The following PAOX variants were observed in gnomAD, a reference collection of about 807,000 sequenced individuals.
PAOX encodes the protein polyamine oxidase.
A neutral mutation model predicts 39.0 loss-of-function variants in PAOX; 38 were observed. That is an observed-to-expected ratio of 0.97 (90% CI 0.75 to 1.28). PAOX has a LOEUF of 1.28. Among genes scored for constraint, PAOX ranks in the 50% most tolerant of loss-of-function variants. PAOX has a pLI of 0.00. For synonymous variants in PAOX, 311 were observed against 314.4 expected (o/e 0.99, Z 0.11); for missense variants, 667 against 685.7 (o/e 0.97, Z 0.30).
Position 133,384,117 on chromosome 10 carries a change from G to A in PAOX, c.1026G>A (p.Val342=), listed in dbSNP as rs141901217. The change falls in exon 4 of 7, where the codon GTG becomes GTA. Residue 342 remains valine (V), a synonymous_variant. Transcript: ENST00000278060. This position sits in a 1 kb window ranked among gnomAD's most constrained non-coding sequence, Gnocchi z 4.3. ...CAGACTGCCAGCTGATCCAGCTGGT[G>A]TGGGAGGACACGTCGCCCCTGGAGG... is the stretch of plus-strand genomic sequence containing the variant. ...WEPDCQLIQL[V]WEDTSPLEDA... is the part of the protein sequence containing the mutation. The A allele has an allele frequency of 1.4e-4, 229 of 1,614,228 alleles. No individual in the cohort carries two copies. The African/African-American group carries it at 2.5e-3, about 17-fold the overall frequency.
At chr10:133,383,924 T>C in intron 3 of PAOX, 36 bp from the exon 4 acceptor site, 1 of 1,591,458 alleles carries the variant, frequency 6.3e-7, no homozygotes, top group Admixed American at 1.7e-5. Context: ...TGGAGGGCTT[T>C]ATGTGATGTA....
chr10:133,391,400 A>G lies in PAOX; in HGVS notation c.1481A>G (p.Asp494Gly), dbSNP rs1412546624. ...CTGCTGTCGGGATGGAGGGAGGCCG[A>G]CCGCCTCCTCAGTCTGTGGGCCCCG... ...GALLSGWREADRLLSLWAPQV... is the reference protein window; with the variant it reads ...GALLSGWREAGRLLSLWAPQV... Residue 494 changes from aspartate to glycine, a missense_variant, in exon 7 of 7, where the codon GAC (aspartate) becomes GGC (glycine). Physicochemically the swap from Asp to Gly is moderately conservative, Grantham distance 94. Transcript: ENST00000278060. 1 of 1,612,880 alleles carries G rather than the reference A, an allele frequency of 6.2e-7. No individual in the cohort carries two copies. The highest frequency in any genetic ancestry group is 1.7e-5 in the Admixed American group (1 of 60,006).
Position 133,380,129 on chromosome 10 carries a change from C to A in PAOX, c.312C>A (p.Thr104=). 6.3e-7 allele frequency: 1 copy of A among 1,584,668 alleles called. No homozygotes were observed. The change falls in exon 2 of 7, where the codon ACC becomes ACA. Residue 104 remains threonine, a synonymous_variant. Transcript: ENST00000278060. ...ELSQENQLVE[T]GGHVGLPSVS... Reference sequence around the variant, plus strand: ...CCCAGGAGAACCAGCTGGTGGAGACCGGGGGTCACGTGGGCCTGCCCTCCG... The same window carrying A: ...CCCAGGAGAACCAGCTGGTGGAGACAGGGGGTCACGTGGGCCTGCCCTCCG...
At chr10:133,389,461 T>A in intron 5 of PAOX, 129 bp from the exon 6 acceptor site, 2 of 1,359,424 alleles carry the variant, frequency 1.5e-6, no homozygotes, top group East Asian at 4.7e-5. Context: ...CCTGACACAC[T>A]CTGCTGCTCA....
Position 133,380,427 on chromosome 10 carries a change from G to A in PAOX, c.610G>A (p.Ala204Thr). 6.2e-7 allele frequency: 1 copy of A among 1,612,526 alleles called. No homozygotes were observed. The highest frequency in any genetic ancestry group is 8.5e-7 in the Non-Finnish European group (1 of 1,180,014). Residue 204 changes from alanine (A) to threonine (T), a missense_variant, in exon 2 of 7, where the codon GCC (alanine) becomes ACC (threonine). Transcript: ENST00000278060. ...VSGTHSMDLV[A>T]LAPFGEYTVL... The stretch of plus-strand genomic sequence containing the variant: ...CGGCACCCACAGCATGGACCTGGTG[G>A]CCCTGGCACCCTTTGGGGAGTATAC...
chr10:133,382,379 G>A (rs1421659282), intron 3 of PAOX, among the ~76,000 whole-genome samples: 1 of 152,172 alleles, frequency 6.6e-6, no homozygotes, highest in African/African-American at 2.4e-5. Context: ...AGGAGCCTCC[G>A]CAGCCCTAAC....
chr10:133,379,661 A>C, intron 1 of PAOX, 164 bp downstream of exon 1: 1 of 633,858 alleles, frequency 1.6e-6, no homozygotes, highest in Non-Finnish European at 2.3e-6. Context: ...CCCGAAACTC[A>C]GGGCTCAGAG....
At chr10:133,383,202 G>A (rs1353161411) in intron 3 of PAOX, among the ~76,000 whole-genome samples, 2 of 152,148 alleles carry the variant, frequency 1.3e-5, no homozygotes, top group Non-Finnish European at 2.9e-5. Context: ...AAAGGAGCGG[G>A]TTAATTTGCC....
chr10:133,382,338 A>G (rs542837288), intron 3 of PAOX, among the ~76,000 whole-genome samples: 2 of 152,306 alleles, frequency 1.3e-5, no homozygotes, highest in African/African-American at 4.8e-5. Flanking sequence ...TTGGAAATCT[A>G]GGTGTGATTG....
rs372787159 is a variant in PAOX, at chr10:133,381,707, C to T, written c.868+48C>T. 2.5e-6 allele frequency: 4 copies of T among 1,591,838 alleles called. No individual in the cohort carries two copies. In the African/African-American group the frequency reaches 4.0e-5, roughly 16 times the overall value. ...ACCCCCATCCCAAGTGCCCCCGCCT[C>T]TGCCCTTACCCTGCCTCAGTTGGCT... On this transcript the variant is annotated intron_variant, in intron 3 of 6. Coordinates refer to ENST00000278060, the MANE Select transcript of PAOX (RefSeq NM_152911.4).
At chr10:133,382,871 A>G (rs1297764544) in intron 3 of PAOX, 1 of 151,962 alleles carries the variant, frequency 6.6e-6, no homozygotes, top group African/African-American at 2.4e-5. Flanking sequence ...GTGTTTCCAA[A>G]TCAGCACACA....
intron 4 of PAOX, among the ~76,000 whole-genome samples, chr10:133,387,268 G>A (rs1405701066): frequency 3.9e-5 from 6 of 152,082 alleles, no homozygotes; most frequent in African/African-American, 1.4e-4. Context: ...AACAGAGGGA[G>A]GCCATGTCTT....
Position 133,389,698 on chromosome 10 carries a change from A to G in PAOX, c.1343A>G (p.Asp448Gly). The stretch of plus-strand genomic sequence containing the variant: ...GTGGCCGTGGGCAGTACTGGGGGCG[A>G]CCTGGACCTGCTGGCTCAGCCCCTC... Reference protein sequence around the residue: ...SYVAVGSTGGDLDLLAQPLPA... With the variant: ...SYVAVGSTGGGLDLLAQPLPA... The change falls in exon 6 of 7, where the codon GAC (aspartate) becomes GGC (glycine). Residue 448 changes from aspartate (D) to glycine (G), a missense_variant. Transcript: ENST00000278060. 1 of 1,595,602 alleles carries G rather than the reference A, an allele frequency of 6.3e-7. No homozygotes were observed. The highest frequency in any genetic ancestry group is 8.6e-7 in the Non-Finnish European group (1 of 1,168,460).
At chr10:133,381,355 C>A in intron 2 of PAOX, 105 bp from the exon 3 acceptor site, 3 of 1,104,664 alleles carry the variant, frequency 2.7e-6, no homozygotes, top group Non-Finnish European at 1.3e-6. Flanking sequence ...GGAGAGCTCC[C>A]CGCAGCTACC....
At chr10:133,389,214 G>T in intron 5 of PAOX, 146 bp downstream of exon 5, 1 of 697,128 alleles carries the variant, frequency 1.4e-6, no homozygotes, top group East Asian at 2.6e-5. Flanking sequence ...ATGTTAGTGG[G>T]GTCAGTAACA....
At chr10:133,379,772 C>A in intron 1 of PAOX, 1 of 563,296 alleles carries the variant, frequency 1.8e-6, no homozygotes, top group Non-Finnish European at 2.8e-6. Flanking sequence ...GTACGCCCAC[C>A]CTGCGCCCCT....
intron 4 of PAOX, among the ~76,000 whole-genome samples, chr10:133,387,822 G>T (rs1451743404): frequency 6.6e-6 from 1 of 152,216 alleles, no homozygotes; most frequent in Non-Finnish European, 1.5e-5. Context: ...CCGGGTTCAT[G>T]CCATTCTCCT....
intron 2 of PAOX, 132 bp from the exon 3 acceptor site, chr10:133,381,328 T>A: frequency 1.2e-6 from 1 of 803,702 alleles, no homozygotes; most frequent in South Asian, 1.7e-5. Flanking sequence ...CTGACCTCCT[T>A]GCTGGCCCTG....
intron 6 of PAOX, 135 bp downstream of exon 6, chr10:133,389,882 T>G (rs1174123064): frequency 2.5e-5 from 25 of 1,015,270 alleles, no homozygotes; most frequent in Non-Finnish European, 3.1e-5. Flanking sequence ...TTTTTGAAAC[T>G]AAGAATAATT....
Sources: gnomAD v4.1 joint callset for allele counts (sites outside exome capture counted in the v4.1 genomes callset) on GRCh38, gnomAD v4.1.1 for gene constraint, Gnocchi (gnomAD v3.1) non-coding constraint, MANE v1.5 for transcripts, NCBI Gene and HGNC (gene_info 2026-07-23, HGNC 2026-07-21) for gene names.